Variants in SYNPO2L observed in about 807,000 individuals in gnomAD.
The protein encoded by SYNPO2L is synaptopodin 2-like protein.
SYNPO2L carries 34 observed loss-of-function variants against 47.5 expected under a neutral mutation model. The ratio of observed to expected loss-of-function variants is 0.72; its 90% CI spans 0.54 to 0.95. The LOEUF is 0.95. Ranked by LOEUF, SYNPO2L falls within the 40% of genes least tolerant of loss-of-function variation. The pLI is 0.00. For synonymous variants in SYNPO2L, 536 were observed against 524.9 expected (o/e 1.02, Z -0.29); for missense variants, 1,246 against 1,282.0 (o/e 0.97, Z 0.43).
rs576909291 is a variant in SYNPO2L at position 73,648,692 on chromosome 10, G to T, written c.960C>A (p.Gly320=). The change falls in exon 4 of 4, where the codon GGC becomes GGA. Residue 320 remains glycine, a synonymous_variant. Coordinates refer to ENST00000394810, the MANE Select transcript of SYNPO2L (RefSeq NM_001114133.3). ...GGGGAACGCCGTCCTCCTCCTCAGC[G>T]CCTGTCCCAGCAGCAGCCCCGAAGC... ...LVSFGAAAGT[G]AEEEDGVPPT... The T allele has an allele frequency of 1.1e-5, 18 of 1,610,206 alleles. 1 individual carries two copies. The South Asian group carries it at 1.8e-4, about 16-fold the overall frequency.
chr10:73,647,683 G>C lies in SYNPO2L; in HGVS notation c.1969C>G (p.Gln657Glu). The C allele has an allele frequency of 1.9e-6, 3 of 1,614,192 alleles. No homozygotes were observed. Among genetic ancestry groups the C allele is most frequent in the Non-Finnish European group, 2.5e-6 (3 of 1,180,018 alleles). Residue 657 changes from glutamine to glutamate, a missense_variant, in exon 4 of 4, where the codon CAG (glutamine) becomes GAG (glutamate). Physicochemically the swap from Gln to Glu is conservative, Grantham distance 29. Coordinates refer to ENST00000394810, the MANE Select transcript of SYNPO2L (RefSeq NM_001114133.3). Reference sequence around the variant, plus strand: ...GCCCGAGGCTTTTCATCCAGGTTCTGTACCAGCGATAGCAGCTCGGGGTTG... The same window carrying C: ...GCCCGAGGCTTTTCATCCAGGTTCTCTACCAGCGATAGCAGCTCGGGGTTG... ...SPNPELLSLV[Q>E]NLDEKPRAGG...
chr10:73,647,015 G>A lies in SYNPO2L; in HGVS notation c.2637C>T (p.Pro879=). Residue 879 remains proline, a synonymous_variant, in exon 4 of 4, where the codon CCC becomes CCT. Transcript: ENST00000394810. The part of the protein sequence containing the change: ...PTPGPIASGS[P]KTARVQEIRR... ...GAATCTCCTGGACTCGGGCAGTTTT[G>A]GGGGACCCTGAGGCGATAGGGCCAG... is the stretch of plus-strand genomic sequence containing the variant. 2 of 1,613,510 alleles carry A rather than the reference G, an allele frequency of 1.2e-6. No individual in the cohort carries two copies. The highest frequency in any genetic ancestry group is 1.7e-6 in the Non-Finnish European group (2 of 1,179,570).
At position 73,646,763 on chromosome 10, in the gene SYNPO2L, T is replaced by A. The variant is rs1256396636; in HGVS notation, c.2889A>T (p.Thr963=). The part of the protein sequence containing the change: ...VARPRFSATR[T]GLQAHVWRPG... ...GCCTCCACACATGAGCTTGCAATCCTGTTCTGGTGGCTGAAAATCGGGGCC... is the reference window on the plus strand; with the variant it reads ...GCCTCCACACATGAGCTTGCAATCCAGTTCTGGTGGCTGAAAATCGGGGCC... Residue 963 remains threonine, a synonymous_variant, in exon 4 of 4, where the codon ACA becomes ACT. Coordinates refer to ENST00000394810, the MANE Select transcript of SYNPO2L (RefSeq NM_001114133.3). 1 of 1,516,196 alleles carries A rather than the reference T, an allele frequency of 6.6e-7. No individual in the cohort carries two copies. The highest frequency in any genetic ancestry group is 8.8e-7 in the Non-Finnish European group (1 of 1,133,464). 93.9% of individuals were successfully genotyped at this position (1,516,196 alleles called of 1,614,324 possible). A position where few individuals can be genotyped will look rare whatever the true frequency, so the allele number is the denominator to read the frequency against.
chr10:73,649,889 T>C (rs377526952), intron 3 of SYNPO2L: 6 of 985,420 alleles, frequency 6.1e-6, no homozygotes, highest in East Asian at 1.1e-4. Context: ...ATCTTTAGGA[T>C]ACCTCAAGGT....
At chr10:73,650,608 C>G in intron 3 of SYNPO2L, 1 of 844,188 alleles carries the variant, frequency 1.2e-6, no homozygotes, top group Non-Finnish European at 1.4e-6. Context: ...TGGATACTTT[C>G]TTGTTCACAC....
At position 73,645,410 on chromosome 10, in the gene SYNPO2L, G is replaced by A. The variant is rs2081735949; in HGVS notation, c.*1308C>T. On this transcript the variant is annotated 3_prime_UTR_variant, in exon 4 of 4. Coordinates refer to ENST00000394810, the MANE Select transcript of SYNPO2L (RefSeq NM_001114133.3). The stretch of plus-strand genomic sequence containing the variant: ...AATCACTTACACTCATTTCTGCCAT[G>A]CTTCTGATTTTGGCCTCACTTGCCA... 1.0e-6 allele frequency: 1 copy of A among 1,000,814 alleles called. No individual in the cohort carries two copies. The highest frequency in any genetic ancestry group is 1.7e-5 in the African/African-American group (1 of 57,220). 62.0% of individuals were successfully genotyped at this position (1,000,814 alleles called of 1,614,324 possible).
chr10:73,650,844 A>C, intron 3 of SYNPO2L: 1 of 1,481,344 alleles, frequency 6.8e-7, no homozygotes, highest in South Asian at 1.4e-5. Context: ...TACCCTTCCT[A>C]AACTATTGAC....
chr10:73,655,519 A>C (rs1230936916), intron 1 of SYNPO2L, among the ~76,000 whole-genome samples: 1 of 152,134 alleles, frequency 6.6e-6, no homozygotes, highest in African/African-American at 2.4e-5. Context: ...GAGAACAAAC[A>C]CTGGATGACC....
chr10:73,648,561 G>A lies in SYNPO2L; in HGVS notation c.1091C>T (p.Ala364Val), dbSNP rs138501611. 2.3e-4 allele frequency: 377 copies of A among 1,614,150 alleles called. 1 individual carries two copies. The highest frequency in any genetic ancestry group is 9.9e-4 in the Middle Eastern group (6 of 6,062). Residue 364 changes from alanine (A) to valine (V), a missense_variant, in exon 4 of 4, where the codon GCG becomes GTG. Coordinates refer to ENST00000394810, the MANE Select transcript of SYNPO2L (RefSeq NM_001114133.3). Reference protein sequence around the residue: ...SPYLDMELARAGSRASEGQGS... With the variant: ...SPYLDMELARVGSRASEGQGS... The stretch of plus-strand genomic sequence containing the variant: ...CTGGCCCTCTGATGCTCTTGAGCCC[G>A]CCCTGGCAAGCTCCATGTCCAGATA...
chr10:73,645,312 T>C lies in SYNPO2L; in HGVS notation c.*1406A>G. The C allele has an allele frequency of 9.3e-7, 1 of 1,080,550 alleles. No homozygotes were observed. Among genetic ancestry groups the C allele is most frequent in the Non-Finnish European group, 1.1e-6 (1 of 884,838 alleles). The allele number at this position is 1,080,550 out of a possible 1,614,324, so 66.9% of individuals were successfully genotyped here. On this transcript the variant is annotated 3_prime_UTR_variant, in exon 4 of 4. Coordinates refer to ENST00000394810, the MANE Select transcript of SYNPO2L (RefSeq NM_001114133.3). ...TTTCCAATCCCCCTCTCACACACGG[T>C]TGGTTTCTTGTTACTCAACTTTACC...
chr10:73,653,364 C>G lies in SYNPO2L; in HGVS notation c.547G>C (p.Glu183Gln), dbSNP rs942306444. 1 of 1,551,440 alleles carries G rather than the reference C, an allele frequency of 6.4e-7. No homozygotes were observed. The highest frequency in any genetic ancestry group is 1.4e-5 in the African/African-American group (1 of 73,050). Reference protein sequence around the residue: ...DEVYLSDSPAEPAPTIPGPPS... With the variant: ...DEVYLSDSPAQPAPTIPGPPS... ...GGGCCAGGGATAGTAGGTGCTGGCTCTGCAGGGCTGTCAGACAGGTAGACC... is the reference window on the plus strand; with the variant it reads ...GGGCCAGGGATAGTAGGTGCTGGCTGTGCAGGGCTGTCAGACAGGTAGACC... The change falls in exon 3 of 4, where the codon GAG becomes CAG. Residue 183 changes from glutamate to glutamine, a missense_variant. Physicochemically the swap from Glu to Gln is conservative, Grantham distance 29. Transcript: ENST00000394810.
Position 73,648,334 on chromosome 10 carries a change from AG to A in SYNPO2L, c.1317del (p.Leu440CysfsTer5). On this transcript the variant is annotated frameshift_variant, in exon 4 of 4. Coordinates refer to ENST00000394810, the MANE Select transcript of SYNPO2L (RefSeq NM_001114133.3). LOFTEE classifies it low-confidence loss of function (END_TRUNC). ...CTGGGGCTGGCTACAGGCGCCGGCA[AG>A]GGGCTGGGTGGGAGCACAGCTGCCT... ...PPEAAVLPPSPLPAPVASPRP... is the reference protein window; with the variant it reads ...PPEAAVLPPSXLPAPVASPRP... 1 of 1,605,060 alleles carries A rather than the reference AG, an allele frequency of 6.2e-7. No homozygotes were observed.
At chr10:73,650,666 T>G in intron 3 of SYNPO2L, 2 of 984,394 alleles carry the variant, frequency 2.0e-6, no homozygotes, top group South Asian at 4.7e-5. Flanking sequence ...GTATTCATAA[T>G]GTACTCACAC....
Position 73,646,544 on chromosome 10 carries a change from C to G in SYNPO2L, c.*174G>C, listed in dbSNP as rs143952122. On this transcript the variant is annotated 3_prime_UTR_variant, in exon 4 of 4. Transcript: ENST00000394810. ...GCAGACATACTTGGTTGGAAAGCGG[C>G]AGGGAGGTAGAGAGTGAGGAGGAAG... is the stretch of plus-strand genomic sequence containing the variant. The G allele has an allele frequency of 7.9e-7, 1 of 1,261,522 alleles. No homozygotes were observed. The highest frequency in any genetic ancestry group is 1.5e-5 in the African/African-American group (1 of 65,324). The allele number at this position is 1,261,522 out of a possible 1,614,324, so 78.1% of individuals were successfully genotyped here.
At position 73,645,020 on chromosome 10, in the gene SYNPO2L, C is replaced by A. The variant is rs1202545552; in HGVS notation, c.*1698G>T. The A allele has an allele frequency of 2.4e-6, 3 of 1,263,540 alleles. No homozygotes were observed. The highest frequency in any genetic ancestry group is 7.0e-5 in the East Asian group (1 of 14,286). 78.3% of individuals were successfully genotyped at this position (1,263,540 alleles called of 1,614,324 possible). On this transcript the variant is annotated 3_prime_UTR_variant, in exon 4 of 4. Transcript: ENST00000394810. Reference sequence around the variant, plus strand: ...GGTCTTGGTGAGAAGGGAGTCCATACTAAGATTGGAGATCAGGACCTGAAG... The same window carrying A: ...GGTCTTGGTGAGAAGGGAGTCCATAATAAGATTGGAGATCAGGACCTGAAG...
In SYNPO2L at chr10:73,648,365, G is replaced by T; in HGVS notation, c.1287C>A (p.Pro429=). The T allele has an allele frequency of 1.2e-6, 2 of 1,606,254 alleles. No homozygotes were observed. Among genetic ancestry groups the T allele is most frequent in the Non-Finnish European group, 1.7e-6 (2 of 1,179,272 alleles). ...TGGGTGGGAGCACAGCTGCCTCTGG[G>T]GGAGCACTCTGGGCCCGAGGTGGTG... ...LQSPPRAQSA[P]PEAAVLPPSP... The change falls in exon 4 of 4, where the codon CCC becomes CCA. Residue 429 remains proline, a synonymous_variant. Coordinates refer to ENST00000394810, the MANE Select transcript of SYNPO2L (RefSeq NM_001114133.3).
rs780398864 is a variant in SYNPO2L, at chr10:73,645,803, A to G, written c.*915T>C. ...ATCTGACCCTTCTATCAGTACAACGATAAGACTCAGATTGGGTCTTTTGTT... is the reference window on the plus strand; with the variant it reads ...ATCTGACCCTTCTATCAGTACAACGGTAAGACTCAGATTGGGTCTTTTGTT... On this transcript the variant is annotated 3_prime_UTR_variant, in exon 4 of 4. Transcript: ENST00000394810. 170 of 985,844 alleles carry G rather than the reference A, an allele frequency of 1.7e-4. No individual in the cohort carries two copies. Among genetic ancestry groups the G allele is most frequent in the Non-Finnish European group, 2.0e-4 (164 of 830,076 alleles). The allele number at this position is 985,844 out of a possible 1,614,324, so 61.1% of individuals were successfully genotyped here. A position where few individuals can be genotyped will look rare whatever the true frequency, so the allele number is the denominator to read the frequency against.
Position 73,648,800 on chromosome 10 carries a change from G to A in SYNPO2L, c.852C>T (p.Leu284=), listed in dbSNP as rs772802129. ...KTKCRTIASL[L]TAAPNPHSKG... is the part of the protein sequence containing the mutation. ...TGGAGTGGGGGTTGGGGGCTGCAGT[G>A]AGCAGGGATGCAATTGTCCTGCATT... Residue 284 remains leucine, a synonymous_variant, in exon 4 of 4, where the codon CTC becomes CTT. Transcript: ENST00000394810. 13 of 1,595,440 alleles carry A rather than the reference G, an allele frequency of 8.1e-6. No homozygotes were observed. The highest frequency in any genetic ancestry group is 1.0e-5 in the Non-Finnish European group (12 of 1,170,434).
intron 2 of SYNPO2L, 128 bp downstream of exon 2, chr10:73,654,001 C>T (rs951033441): frequency 3.2e-6 from 4 of 1,264,420 alleles, no homozygotes; most frequent in Admixed American, 5.1e-5. Flanking sequence ...ACCATCTGCA[C>T]TCCAGCAGAA....
Sources: gnomAD v4.1 joint callset for allele counts (sites outside exome capture counted in the v4.1 genomes callset) on GRCh38, gnomAD v4.1.1 for gene constraint, MANE v1.5 for transcripts, NCBI Gene and HGNC (gene_info 2026-07-23, HGNC 2026-07-21) for gene names.